Variants in TMEM267 observed in about 807,000 individuals in gnomAD.
The protein encoded by TMEM267 is transmembrane protein C5orf28.
TMEM267 carries 20 observed loss-of-function variants against 19.3 expected under a neutral mutation model. That is an observed-to-expected ratio of 1.04 (90% CI 0.73 to 1.51). TMEM267 has a LOEUF of 1.51. Among genes scored for constraint, TMEM267 ranks in the 40% most tolerant of loss-of-function variants. The pLI, the probability that TMEM267 is intolerant of heterozygous loss-of-function variation, is 0.00. For missense variants in TMEM267, 242 were observed against 261.9 expected (o/e 0.92, Z 0.52); for synonymous variants, 88 against 90.3 (o/e 0.97, Z 0.15).
At chr5:43,447,215 G>A (rs376436376) in intron 2 of TMEM267, among the ~76,000 whole-genome samples, 3 of 151,370 alleles carry the variant, frequency 2.0e-5, no homozygotes, top group African/African-American at 7.3e-5. Context: ...TCAGCCTCCC[G>A]AGTAGCTGGG....
intron 1 of TMEM267, among the ~76,000 whole-genome samples, chr5:43,474,745 GC>G (rs1744309425): frequency 8.2e-6 from 1 of 122,480 alleles, no homozygotes; most frequent in Non-Finnish European, 1.6e-5. Flanking sequence ...GGCAACAAGA[GC>G]AAAACTCTGT....
At chr5:43,452,235 T>C (rs1488871004) in intron 2 of TMEM267, among the ~76,000 whole-genome samples, 2 of 152,114 alleles carry the variant, frequency 1.3e-5, no homozygotes, top group Admixed American at 6.6e-5. Context: ...GTGATTGATA[T>C]ATAATCACAC....
intron 1 of TMEM267, among the ~76,000 whole-genome samples, chr5:43,467,897 C>T (rs1020816205): frequency 6.6e-6 from 1 of 152,136 alleles, no homozygotes; most frequent in African/African-American, 2.4e-5. Context: ...ACCTGGAAGC[C>T]CTCAGTTGGG....
At chr5:43,452,587 A>T (rs1742671755) in intron 2 of TMEM267, among the ~76,000 whole-genome samples, 1 of 141,476 alleles carries the variant, frequency 7.1e-6, no homozygotes. Context: ...TAAATCCATA[A>T]AAAAAAAAAA....
At chr5:43,475,535 G>C (rs1181104818) in intron 1 of TMEM267, among the ~76,000 whole-genome samples, 1 of 151,998 alleles carries the variant, frequency 6.6e-6, no homozygotes, top group East Asian at 1.9e-4. Context: ...TTAAAAAAAA[G>C]TCAGAAACAG....
At chr5:43,478,742 G>C (rs1044319572) in intron 1 of TMEM267, among the ~76,000 whole-genome samples, 1 of 151,994 alleles carries the variant, frequency 6.6e-6, no homozygotes, top group African/African-American at 2.4e-5. Context: ...ATTTGGAAAA[G>C]AAATACAAAG....
intron 1 of TMEM267, chr5:43,454,341 A>C (rs1354675948): frequency 1.2e-5 from 2 of 171,306 alleles, no homozygotes; most frequent in Non-Finnish European, 2.5e-5. Flanking sequence ...TGTGTGTAGT[A>C]CATGGTGGTG....
chr5:43,456,316 C>T (rs1742948203), intron 1 of TMEM267, among the ~76,000 whole-genome samples: 1 of 151,922 alleles, frequency 6.6e-6, no homozygotes, highest in Non-Finnish European at 1.5e-5. Flanking sequence ...GTAAATAAAA[C>T]ATAAAAAGAT....
At chr5:43,465,620 T>C (rs1579811579) in intron 1 of TMEM267, among the ~76,000 whole-genome samples, 1 of 152,176 alleles carries the variant, frequency 6.6e-6, no homozygotes. Context: ...TGGAATACTA[T>C]GCAGCCATAA....
At chr5:43,450,227 C>G (rs1742499766) in intron 2 of TMEM267, among the ~76,000 whole-genome samples, 1 of 152,080 alleles carries the variant, frequency 6.6e-6, no homozygotes, top group South Asian at 2.1e-4. Context: ...CTCCTGGCCT[C>G]AAGTGATCCT....
intron 2 of TMEM267, among the ~76,000 whole-genome samples, chr5:43,451,354 G>A (rs1263630646): frequency 6.6e-6 from 1 of 151,956 alleles, no homozygotes; most frequent in Non-Finnish European, 1.5e-5. Flanking sequence ...GGGTTCATTT[G>A]AAAAAGGGCT....
At chr5:43,447,938 C>A (rs1454770338) in intron 2 of TMEM267, among the ~76,000 whole-genome samples, 1 of 151,754 alleles carries the variant, frequency 6.6e-6, no homozygotes, top group Non-Finnish European at 1.5e-5. Flanking sequence ...CTGGGGGAGA[C>A]GATGGTAAGA....
intron 1 of TMEM267, among the ~76,000 whole-genome samples, chr5:43,466,024 C>CT (rs953629156): frequency 1.1e-4 from 16 of 149,772 alleles, no homozygotes; most frequent in African/African-American, 3.7e-4. Flanking sequence ...CTTTTTAAAA[C>CT]TTTAAAAAAA....
At chr5:43,468,642 A>G (rs1166065746) in intron 1 of TMEM267, among the ~76,000 whole-genome samples, 1 of 152,216 alleles carries the variant, frequency 6.6e-6, no homozygotes, top group East Asian at 1.9e-4. Flanking sequence ...TGCATCCTCA[A>G]CCTTGGCAAA....
chr5:43,459,275 A>C (rs1176786024), intron 1 of TMEM267, among the ~76,000 whole-genome samples: 1 of 152,142 alleles, frequency 6.6e-6, no homozygotes, highest in Non-Finnish European at 1.5e-5. Context: ...AATAAAGAAA[A>C]TTTGATCAAT....
At chr5:43,470,109 C>A (rs191807632) in intron 1 of TMEM267, among the ~76,000 whole-genome samples, 3 of 152,106 alleles carry the variant, frequency 2.0e-5, no homozygotes. Context: ...TGAGTTGTCC[C>A]GCCTTTCCAG....
intron 1 of TMEM267, among the ~76,000 whole-genome samples, chr5:43,474,023 C>G (rs182247090): frequency 2.0e-5 from 3 of 152,334 alleles, no homozygotes; most frequent in Admixed American, 2.0e-4. Flanking sequence ...GAAAGGAATT[C>G]CTAGTTAATA....
At chr5:43,476,573 C>T (rs2112201473) in intron 1 of TMEM267, among the ~76,000 whole-genome samples, 1 of 120,118 alleles carries the variant, frequency 8.3e-6, no homozygotes, top group South Asian at 2.8e-4. Context: ...TTATTCTCTC[C>T]AAATTAATCT....
intron 1 of TMEM267, among the ~76,000 whole-genome samples, chr5:43,469,431 C>A (rs543753242): frequency 6.6e-6 from 1 of 152,222 alleles, no homozygotes; most frequent in Admixed American, 6.5e-5. Flanking sequence ...TGGGCTTTAT[C>A]CCCGGGATGC....
Sources: gnomAD v4.1 joint callset for allele counts (sites outside exome capture counted in the v4.1 genomes callset) on GRCh38, gnomAD v4.1.1 for gene constraint, MANE v1.5 for transcripts, NCBI Gene and HGNC (gene_info 2026-07-23, HGNC 2026-07-21) for gene names.